The following HJV variants were observed in gnomAD, a reference collection of about 807,000 sequenced individuals.
The protein encoded by HJV is hemojuvelin BMP co-receptor.
HJV carries 18 observed loss-of-function variants against 22.7 expected under a neutral mutation model. That is an observed-to-expected ratio of 0.79 (90% CI 0.55 to 1.18). HJV has a LOEUF of 1.18. Among genes scored for constraint, HJV ranks in the 50% most tolerant of loss-of-function variants. The pLI is 0.00. For synonymous variants in HJV, 229 were observed against 222.7 expected (o/e 1.03, Z -0.25); for missense variants, 572 against 553.0 (o/e 1.03, Z -0.34).
rs782584233 is a variant in HJV at position 146,018,178 on chromosome 1, G to C, written c.1180C>G (p.Leu394Val). ...CCAGCATCTGAGGGGAAGAGATGCA[G>C]CTTCTCTAAGTCTGGCAGGAAGGCT... ...ARAFLPDLEKLHLFPSDAGVP... is the reference protein window; with the variant it reads ...ARAFLPDLEKVHLFPSDAGVP... The change falls in exon 4 of 4, where the codon CTG becomes GTG. Residue 394 changes from leucine (L) to valine (V), a missense_variant. Coordinates refer to ENST00000336751, the MANE Select transcript of HJV (RefSeq NM_213653.4). 6.2e-7 allele frequency: 1 copy of C among 1,614,184 alleles called. No individual in the cohort carries two copies. Among genetic ancestry groups the C allele is most frequent in the Non-Finnish European group, 8.5e-7 (1 of 1,180,034 alleles).
Position 146,019,162 on chromosome 1 carries a change from T to G in HJV, c.657+13A>C. ...CTCATGAGGTGGATCGGAAGGAAGA[T>G]TGAGTGCCTGACCTTCCGGGTGGCG... On this transcript the variant is annotated intron_variant, in intron 3 of 3. Transcript: ENST00000336751. 1 of 1,604,468 alleles carries G rather than the reference T, an allele frequency of 6.2e-7. No individual in the cohort carries two copies. The highest frequency in any genetic ancestry group is 8.5e-7 in the Non-Finnish European group (1 of 1,171,260).
Position 146,019,346 on chromosome 1 carries a change from CG to C in HJV, c.485del (p.Pro162ArgfsTer84). 1 of 1,613,816 alleles carries C rather than the reference CG, an allele frequency of 6.2e-7. No homozygotes were observed. The highest frequency in any genetic ancestry group is 8.5e-7 in the Non-Finnish European group (1 of 1,180,036). On this transcript the variant is annotated frameshift_variant, in exon 3 of 4. Transcript: ENST00000336751. LOFTEE classifies it high-confidence loss of function. ...CGAAGGAAGCGCAATGCAAGAACCC[CG>C]GGGGACGACCATGCAGCCGGGAAAA... ...GRFSRLHGRPPGFLHCASFGD... is the reference protein window; with the variant it reads ...GRFSRLHGRPXGFLHCASFGD...
rs1456721673 is a variant in HJV, at chr1:146,017,794, A to G, written c.*283T>C. 5 of 422,036 alleles carry G rather than the reference A, an allele frequency of 1.2e-5. No homozygotes were observed. Among genetic ancestry groups the G allele is most frequent in the South Asian group, 2.7e-5 (1 of 36,712 alleles). The allele number at this position is 422,036 out of a possible 1,614,324, so 26.1% of individuals were successfully genotyped here. A position where few individuals can be genotyped will look rare whatever the true frequency, so the allele number is the denominator to read the frequency against. ...AACCTTCATGACCTCTAAACTTATA[A>G]GGGTGAAATCTGCAGTAAATGGATT... On this transcript the variant is annotated 3_prime_UTR_variant, in exon 4 of 4. Transcript: ENST00000336751.
rs1287859154 is a variant in HJV at position 146,019,561 on chromosome 1, G to A, written c.271C>T (p.Arg91Trp). 6.2e-6 allele frequency: 10 copies of A among 1,613,056 alleles called. No individual in the cohort carries two copies. Among genetic ancestry groups the A allele is most frequent in the African/African-American group, 5.3e-5 (4 of 74,914 alleles). ...CCGCGGCAGGTGCGGGCGGTGCGCC[G>A]AGTGCAGAGCGCATAGGAGCGGAGG... is the stretch of plus-strand genomic sequence containing the variant. ...RALRSYALCT[R>W]RTARTCRGDL... The change falls in exon 3 of 4, where the codon CGG (arginine) becomes TGG (tryptophan). Residue 91 changes from arginine (R) to tryptophan (W), a missense_variant. Transcript: ENST00000336751.
At position 146,020,303 on chromosome 1, in the gene HJV, C is replaced by T. The variant is rs1279986304; in HGVS notation, c.-72G>A. 8 of 983,532 alleles carry T rather than the reference C, an allele frequency of 8.1e-6. No individual in the cohort carries two copies. The highest frequency in any genetic ancestry group is 5.1e-5 in the Admixed American group (3 of 59,038). The allele number at this position is 983,532 out of a possible 1,614,324, so 60.9% of individuals were successfully genotyped here. On this transcript the variant is annotated 5_prime_UTR_variant, in exon 2 of 4. Coordinates refer to ENST00000336751, the MANE Select transcript of HJV (RefSeq NM_213653.4). ...ACCCTCCTACCTAGTGAATTTTGAC[C>T]GGAAGCCCTGTAAGTGACTGAAAAA...
rs781980721 is a variant in HJV at position 146,019,224 on chromosome 1, G to C, written c.608C>G (p.Ala203Gly). 22 of 1,614,022 alleles carry C rather than the reference G, an allele frequency of 1.4e-5. No individual in the cohort carries two copies. Among genetic ancestry groups the C allele is most frequent in the South Asian group, 2.2e-5 (2 of 91,092 alleles). ...CCCCAACGCCATGGGGGAGCTGGTG[G>C]CTTGGACAAAGAGGAAGTCATTATC... ...LLDNDFLFVQ[A>G]TSSPMALGAN... Residue 203 changes from alanine (A) to glycine (G), a missense_variant, in exon 3 of 4, where the codon GCC (alanine) becomes GGC (glycine). By Grantham distance (60) the Ala-to-Gly change is moderately conservative (BLOSUM62 0). Coordinates refer to ENST00000336751, the MANE Select transcript of HJV (RefSeq NM_213653.4).
chr1:146,020,141 C>T lies in HJV; in HGVS notation c.91G>A (p.Gly31Arg). 1 of 1,605,958 alleles carries T rather than the reference C, an allele frequency of 6.2e-7. No homozygotes were observed. The highest frequency in any genetic ancestry group is 8.5e-7 in the Non-Finnish European group (1 of 1,172,596). ...STLTLLLLLC[G>R]HAHSQCKILR... The stretch of plus-strand genomic sequence containing the variant: ...TTCCCTGGCCCTTCCTTACCATGTC[C>T]ACAGAGGAGCAGCAGGAGAGTGAGA... Residue 31 changes from glycine (G) to arginine (R), a missense_variant, in exon 2 of 4, where the codon GGA (glycine) becomes AGA (arginine). By Grantham distance (125) the Gly-to-Arg change is moderately radical. Transcript: ENST00000336751.
rs782803011 is a variant in HJV at position 146,018,205 on chromosome 1, G to T, written c.1153C>A (p.Arg385=). ...VAAQAALEDA[R]AFLPDLEKLH... is the part of the protein sequence containing the mutation. ...TTCTCTAAGTCTGGCAGGAAGGCTCGGGCATCCTCCAGTGCTGCCTGAGCT... is the reference window on the plus strand; with the variant it reads ...TTCTCTAAGTCTGGCAGGAAGGCTCTGGCATCCTCCAGTGCTGCCTGAGCT... Residue 385 remains arginine (R), a synonymous_variant, in exon 4 of 4, where the codon CGA becomes AGA. Transcript: ENST00000336751. The T allele has an allele frequency of 1.2e-6, 2 of 1,614,124 alleles. No homozygotes were observed. Among genetic ancestry groups the T allele is most frequent in the Admixed American group, 3.3e-5 (2 of 60,006 alleles).
intron 1 of HJV, 24 bp from the exon 2 acceptor site, chr1:146,020,344 C>G: frequency 2.6e-6 from 2 of 758,906 alleles, no homozygotes; most frequent in Non-Finnish European, 4.9e-6. Context: ...TTTGGCTGGA[C>G]ATGGAGAGAG....
Position 146,018,621 on chromosome 1 carries a change from G to A in HJV, c.737C>T (p.Ala246Val). 6.2e-7 allele frequency: 1 copy of A among 1,614,066 alleles called. No homozygotes were observed. The highest frequency in any genetic ancestry group is 8.5e-7 in the Non-Finnish European group (1 of 1,179,908). ...YQAEVDNLPVAFEDGSINGGD... is the reference protein window; with the variant it reads ...YQAEVDNLPVVFEDGSINGGD... ...TCCATTGATAGAACCATCTTCAAAG[G>A]CTACAGGAAGATTATCCACCTCAGC... Residue 246 changes from alanine to valine, a missense_variant, in exon 4 of 4, where the codon GCC becomes GTC. By Grantham distance (64) the Ala-to-Val change is moderately conservative (BLOSUM62 0). Coordinates refer to ENST00000336751, the MANE Select transcript of HJV (RefSeq NM_213653.4).
rs1553769612 is a variant in HJV, at chr1:146,019,179, C to A, written c.653G>T (p.Arg218Leu). The A allele has an allele frequency of 6.2e-7, 1 of 1,613,620 alleles. No individual in the cohort carries two copies. Reference sequence around the variant, plus strand: ...AAGGAAGATTGAGTGCCTGACCTTCCGGGTGGCGGTAGCGTTGGCCCCCAA... The same window carrying A: ...AAGGAAGATTGAGTGCCTGACCTTCAGGGTGGCGGTAGCGTTGGCCCCCAA... ...MALGANATAT[R>L]KLTIIFKNMQ... is the part of the protein sequence containing the mutation. Residue 218 changes from arginine (R) to leucine (L), a missense_variant, in exon 3 of 4, where the codon CGG becomes CTG. Arg to Leu is a moderately radical substitution (Grantham distance 102). Transcript: ENST00000336751.
intron 1 of HJV, among the ~76,000 whole-genome samples, chr1:146,020,789 G>T (rs782481020): frequency 6.6e-6 from 1 of 152,178 alleles, no homozygotes; most frequent in Non-Finnish European, 1.5e-5. Flanking sequence ...CAGAACACAA[G>T]AAGGATTAAG....
intron 1 of HJV, 51 bp from the exon 2 acceptor site, chr1:146,020,371 G>T: frequency 1.4e-6 from 1 of 702,722 alleles, no homozygotes; most frequent in Non-Finnish European, 2.6e-6. Context: ...ATTGAAGATT[G>T]GTAAGGATAA....
At chr1:146,020,456 A>AT in intron 1 of HJV, 136 bp from the exon 2 acceptor site, 1 of 506,836 alleles carries the variant, frequency 2.0e-6, no homozygotes, top group Non-Finnish European at 3.6e-6. Flanking sequence ...TCCTCAAACT[A>AT]TAAGTGTGGC....
At position 146,019,193 on chromosome 1, in the gene HJV, G is replaced by T; in HGVS notation, c.639C>A (p.Asn213Lys). Residue 213 changes from asparagine (N) to lysine (K), a missense_variant, in exon 3 of 4, where the codon AAC (asparagine) becomes AAA (lysine). By Grantham distance (94) the Asn-to-Lys change is moderately conservative. Coordinates refer to ENST00000336751, the MANE Select transcript of HJV (RefSeq NM_213653.4). ...ATSSPMALGANATATRKLTII... is the reference protein window; with the variant it reads ...ATSSPMALGAKATATRKLTII... ...GCCTGACCTTCCGGGTGGCGGTAGC[G>T]TTGGCCCCCAACGCCATGGGGGAGC... 6.2e-7 allele frequency: 1 copy of T among 1,614,096 alleles called. No homozygotes were observed. Among genetic ancestry groups the T allele is most frequent in the Non-Finnish European group, 8.5e-7 (1 of 1,179,954 alleles).
chr1:146,017,918 A>G lies in HJV; in HGVS notation c.*159T>C. The G allele has an allele frequency of 3.7e-6, 3 of 805,860 alleles. No homozygotes were observed. In the South Asian group the frequency reaches 5.3e-5, roughly 14 times the overall value. 49.9% of individuals were successfully genotyped at this position (805,860 alleles called of 1,614,324 possible). A position where few individuals can be genotyped will look rare whatever the true frequency, so the allele number is the denominator to read the frequency against. The stretch of plus-strand genomic sequence containing the variant: ...CCTTGCCCAGAATCCTTATTCTGTG[A>G]TAATTTCAACCCTGGACTGCAGCCT... On this transcript the variant is annotated 3_prime_UTR_variant, in exon 4 of 4. Coordinates refer to ENST00000336751, the MANE Select transcript of HJV (RefSeq NM_213653.4).
At chr1:146,019,147 G>GA in intron 3 of HJV, 28 bp downstream of exon 3, 1 of 1,552,400 alleles carries the variant, frequency 6.4e-7, no homozygotes, top group Non-Finnish European at 8.9e-7. Flanking sequence ...CTCATGAGGT[G>GA]GATCGGAAGG....
At position 146,019,344 on chromosome 1, in the gene HJV, C is replaced by G. The variant is rs141216105; in HGVS notation, c.488G>C (p.Gly163Ala). The change falls in exon 3 of 4, where the codon GGG (glycine) becomes GCG (alanine). Residue 163 changes from glycine (G) to alanine (A), a missense_variant. Gly to Ala is a moderately conservative substitution (Grantham distance 60). Transcript: ENST00000336751. Reference sequence around the variant, plus strand: ...CCCGAAGGAAGCGCAATGCAAGAACCCCGGGGGACGACCATGCAGCCGGGA... The same window carrying G: ...CCCGAAGGAAGCGCAATGCAAGAACGCCGGGGGACGACCATGCAGCCGGGA... The part of the protein sequence containing the change: ...RFSRLHGRPP[G>A]FLHCASFGDP... 9.2e-5 allele frequency: 149 copies of G among 1,613,832 alleles called. No individual in the cohort carries two copies. In the African/African-American group the frequency reaches 1.7e-3, roughly 19 times the overall value.
rs782010418 is a variant in HJV, at chr1:146,018,174, T to C, written c.1184A>G (p.His395Arg). 1.2e-6 allele frequency: 2 copies of C among 1,614,100 alleles called. No homozygotes were observed. Among genetic ancestry groups the C allele is most frequent in the Non-Finnish European group, 1.7e-6 (2 of 1,180,000 alleles). ...AACCCCAGCATCTGAGGGGAAGAGA[T>C]GCAGCTTCTCTAAGTCTGGCAGGAA... ...RAFLPDLEKLHLFPSDAGVPL... is the reference protein window; with the variant it reads ...RAFLPDLEKLRLFPSDAGVPL... Residue 395 changes from histidine (H) to arginine (R), a missense_variant, in exon 4 of 4, where the codon CAT becomes CGT. His to Arg is a conservative substitution (Grantham distance 29). Transcript: ENST00000336751.
Sources: allele counts gnomAD v4.1 joint callset (sites outside exome capture counted in the v4.1 genomes callset), GRCh38; gene constraint gnomAD v4.1.1; transcripts MANE v1.5; gene names NCBI Gene and HGNC (gene_info 2026-07-23, HGNC 2026-07-21).